The following CCSER1 variants were observed in gnomAD, a reference collection of about 807,000 sequenced individuals.
CCSER1 encodes the protein coiled-coil serine rich protein 1.
In CCSER1, 41 loss-of-function variants were observed where a neutral mutation model predicts 82.0. The ratio of observed to expected loss-of-function variants is 0.50; its 90% CI spans 0.39 to 0.65. The LOEUF (loss-of-function observed/expected upper bound fraction) is 0.65. Among genes scored for constraint, CCSER1 ranks in the 30% least tolerant of loss-of-function variants. The pLI is 0.00. For missense variants in CCSER1, 1,119 were observed against 1,064.2 expected (o/e 1.05, Z -0.72); for synonymous variants, 414 against 383.9 (o/e 1.08, Z -0.92).
chr4:90,926,593 T>C (rs1035634681), intron 9 of CCSER1, among the ~76,000 whole-genome samples: 3 of 152,060 alleles, frequency 2.0e-5, no homozygotes, highest in African/African-American at 7.2e-5. Context: ...TGCACCAGAT[T>C]TGTCAGGAGA....
At chr4:90,254,638 C>T (rs1193974514) in intron 1 of CCSER1, among the ~76,000 whole-genome samples, 1 of 151,976 alleles carries the variant, frequency 6.6e-6, no homozygotes, top group East Asian at 1.9e-4. Context: ...AAACTGTAGC[C>T]CTAAACTTGG....
rs138036776 is a variant in CCSER1 at position 90,973,774 on chromosome 4, G to A, written c.2172+50327G>A. Among the ~76,000 whole-genome samples the A allele has an allele frequency of 2.3e-4, 35 of 151,562 alleles. 1 individual carries two copies. The East Asian group carries it at 5.2e-3, about 23-fold the overall frequency. On this transcript the variant is annotated intron_variant, in intron 9 of 10. Coordinates refer to ENST00000509176, the MANE Select transcript of CCSER1 (RefSeq NM_001145065.2). Reference sequence around the variant, plus strand: ...GAAACAACGTAAATATCTGCCCGTGGATGAATGGATAAAGAAACTGTGAGA... The same window carrying A: ...GAAACAACGTAAATATCTGCCCGTGAATGAATGGATAAAGAAACTGTGAGA...
chr4:90,472,825 C>T (rs1764573226), intron 5 of CCSER1, among the ~76,000 whole-genome samples: 1 of 151,982 alleles, frequency 6.6e-6, no homozygotes, highest in Non-Finnish European at 1.5e-5. Flanking sequence ...ACCTAAGTGC[C>T]CTCAACAGAT....
At chr4:91,250,372 C>A (rs888475015) in intron 10 of CCSER1, among the ~76,000 whole-genome samples, 2 of 151,978 alleles carry the variant, frequency 1.3e-5, no homozygotes, top group African/African-American at 2.4e-5. Context: ...ATGTTTATTG[C>A]TTTACTTAGC....
chr4:90,488,531 A>G (rs1003216182), intron 5 of CCSER1, among the ~76,000 whole-genome samples: 3 of 152,192 alleles, frequency 2.0e-5, no homozygotes, highest in Non-Finnish European at 4.4e-5. Context: ...AAAGCCTCAT[A>G]CATCTAAAGA....
chr4:91,108,951 A>G (rs1185259096), intron 10 of CCSER1, among the ~76,000 whole-genome samples: 1 of 152,198 alleles, frequency 6.6e-6, no homozygotes, highest in African/African-American at 2.4e-5. Flanking sequence ...GCACCATCAA[A>G]TCAGCTGAGG....
chr4:91,189,126 T>A (rs1734804137), intron 10 of CCSER1, among the ~76,000 whole-genome samples: 1 of 152,148 alleles, frequency 6.6e-6, no homozygotes, highest in Non-Finnish European at 1.5e-5. Context: ...GATTTTTTTT[T>A]AAAGAAAGTA....
At chr4:90,811,555 A>G (rs927980628) in intron 7 of CCSER1, among the ~76,000 whole-genome samples, 1 of 152,196 alleles carries the variant, frequency 6.6e-6, no homozygotes, top group Non-Finnish European at 1.5e-5. Flanking sequence ...TAGACTGTCA[A>G]TGTGGAATGG....
chr4:91,272,631 A>G (rs995455209), intron 10 of CCSER1, among the ~76,000 whole-genome samples: 2 of 151,894 alleles, frequency 1.3e-5, no homozygotes, highest in Non-Finnish European at 2.9e-5. Flanking sequence ...CTTTGTTTTT[A>G]TTGCATTTGG....
intron 10 of CCSER1, among the ~76,000 whole-genome samples, chr4:91,565,661 A>G (rs1482972586): frequency 6.6e-6 from 1 of 151,946 alleles, no homozygotes; most frequent in East Asian, 1.9e-4. Flanking sequence ...TTTTGTGGCA[A>G]TTGTGAATGG....
chr4:90,140,796 C>G (rs1162173788), intron 1 of CCSER1, among the ~76,000 whole-genome samples: 1 of 150,332 alleles, frequency 6.7e-6, no homozygotes, highest in Non-Finnish European at 1.5e-5. Flanking sequence ...TCCTGAGTAG[C>G]TGGGATTACA....
At chr4:90,272,857 G>T (rs1206128738) in intron 1 of CCSER1, among the ~76,000 whole-genome samples, 1 of 152,068 alleles carries the variant, frequency 6.6e-6, no homozygotes, top group African/African-American at 2.4e-5. Flanking sequence ...ACAAAAATTC[G>T]CTGAGCATGG....
At chr4:90,747,052 G>C (rs1324554407) in intron 7 of CCSER1, among the ~76,000 whole-genome samples, 1 of 152,050 alleles carries the variant, frequency 6.6e-6, no homozygotes, top group Non-Finnish European at 1.5e-5. Flanking sequence ...TCAAAGTAGA[G>C]GAAGAGGCAG....
At chr4:90,235,450 C>G (rs1438439844) in intron 1 of CCSER1, 1 of 152,158 alleles carries the variant, frequency 6.6e-6, no homozygotes, top group East Asian at 1.9e-4. Context: ...CCCATAGGCT[C>G]TTATTTCATG....
chr4:91,030,963 C>A (rs181005075), intron 9 of CCSER1, among the ~76,000 whole-genome samples: 2 of 152,286 alleles, frequency 1.3e-5, no homozygotes, highest in Admixed American at 6.5e-5. Flanking sequence ...GTCACACCTT[C>A]TGTCTTCAGA....
intron 10 of CCSER1, among the ~76,000 whole-genome samples, chr4:91,348,111 T>G (rs2141397): frequency 6.6e-6 from 1 of 151,896 alleles, no homozygotes; most frequent in African/African-American, 2.4e-5. Flanking sequence ...TAGCTGTAAG[T>G]GTTTATAGAT....
At chr4:91,312,041 A>T (rs1560582788) in intron 10 of CCSER1, among the ~76,000 whole-genome samples, 1 of 151,862 alleles carries the variant, frequency 6.6e-6, no homozygotes, top group Admixed American at 6.6e-5. Context: ...AAGCTAAAAA[A>T]CATCAAACAT....
At position 90,811,900 on chromosome 4, in the gene CCSER1, A is replaced by AAT. The variant is rs201252560; in HGVS notation, c.2011-3852_2011-3851dup. ...TTCTTTAGAGTGACAGAACTGATGG[A>AAT]ATATATATATACACACACACACACA... On this transcript the variant is annotated intron_variant, in intron 7 of 10. Coordinates refer to ENST00000509176, the MANE Select transcript of CCSER1 (RefSeq NM_001145065.2). Among the ~76,000 whole-genome samples the AAT allele has an allele frequency of 2.4e-5, 3 of 126,694 alleles. No homozygotes were observed. In the East Asian group the frequency reaches 7.3e-4, roughly 31 times the overall value. The allele number at this position is 126,694 out of a possible 152,430, so 83.1% of individuals were successfully genotyped here. A position where few individuals can be genotyped will look rare whatever the true frequency, so the allele number is the denominator to read the frequency against.
chr4:90,386,179 A>T (rs1186257797), intron 3 of CCSER1, among the ~76,000 whole-genome samples: 1 of 152,220 alleles, frequency 6.6e-6, no homozygotes. Flanking sequence ...ATATGGAACC[A>T]AAAAGAGCCT....
Sources: allele counts gnomAD v4.1 joint callset (sites outside exome capture counted in the v4.1 genomes callset), GRCh38; gene constraint gnomAD v4.1.1; transcripts MANE v1.5; gene names NCBI Gene and HGNC (gene_info 2026-07-23, HGNC 2026-07-21).